CPHXL2: variants seen among roughly 807,000 people sequenced by gnomAD.
CPHXL2 encodes the protein cytoplasmic polyadenylated homeobox-like protein 2.
the CPHXL2 span, among the ~76,000 whole-genome samples, chr16:75,668,963 G>A: frequency 4.6e-5 from 7 of 152,084 alleles, no homozygotes; most frequent in South Asian, 2.1e-4. Context: ...TTTGAATTCT[G>A]TACCTTTTTA....
chr16:75,675,510 A>C, the CPHXL2 span, among the ~76,000 whole-genome samples: 1 of 152,092 alleles, frequency 6.6e-6, no homozygotes, highest in East Asian at 1.9e-4. Context: ...CTGGGTTTTC[A>C]GAGAAAGAGG....
chr16:75,676,511 A>G, the CPHXL2 span, among the ~76,000 whole-genome samples: 123 of 152,258 alleles, frequency 8.1e-4, no homozygotes, highest in Middle Eastern at 6.8e-3. Flanking sequence ...TTGTAGAAAT[A>G]GGGTCTTGCT....
chr16:75,662,827 C>G, the CPHXL2 span, among the ~76,000 whole-genome samples: 1 of 132,686 alleles, frequency 7.5e-6, no homozygotes, highest in Admixed American at 8.9e-5. Flanking sequence ...GAGACGGAGT[C>G]TCGCTCTGTC....
the CPHXL2 span, chr16:75,677,003 G>C: frequency 5.0e-6 from 2 of 398,372 alleles, no homozygotes; most frequent in African/African-American, 4.1e-5. Flanking sequence ...AAGACATGTC[G>C]AAACTCCAGT....
the CPHXL2 span, among the ~76,000 whole-genome samples, chr16:75,673,074 T>TAAA: frequency 8.2e-5 from 2 of 24,246 alleles, no homozygotes; most frequent in African/African-American, 7.9e-4. Flanking sequence ...AGACCTTGTC[T>TAAA]CAAAAAAAAA....
chr16:75,662,118 T>C, the CPHXL2 span, among the ~76,000 whole-genome samples: 2 of 152,112 alleles, frequency 1.3e-5, no homozygotes, highest in Non-Finnish European at 2.9e-5. Context: ...CCTTTTTGGG[T>C]TTGATTAACT....
At chr16:75,666,938 CATGCAAA>C in the CPHXL2 span, among the ~76,000 whole-genome samples, 1 of 152,082 alleles carries the variant, frequency 6.6e-6, no homozygotes, top group Non-Finnish European at 1.5e-5. Flanking sequence ...CCTTCAAAAC[CATGCAAA>C]TATATGGAAA....
the CPHXL2 span, among the ~76,000 whole-genome samples, chr16:75,672,222 T>G: frequency 6.6e-6 from 1 of 150,920 alleles, no homozygotes; most frequent in Non-Finnish European, 1.5e-5. Context: ...GAGATTTTAG[T>G]GAGCCTAGAT....
the CPHXL2 span, chr16:75,669,270 C>T: frequency 1.0e-5 from 4 of 395,908 alleles, no homozygotes; most frequent in Non-Finnish European, 1.8e-5. Flanking sequence ...GAGCCGTGAT[C>T]GCTCCATTGC....
chr16:75,673,075 C>CAAAAA, the CPHXL2 span, among the ~76,000 whole-genome samples: 1,222 of 72,806 alleles, frequency 0.017, 46 homozygotes, highest in African/African-American at 0.036. Context: ...GACCTTGTCT[C>CAAAAA]AAAAAAAAAA....
At chr16:75,675,800 C>G in the CPHXL2 span, among the ~76,000 whole-genome samples, 1 of 152,104 alleles carries the variant, frequency 6.6e-6, no homozygotes, top group African/African-American at 2.4e-5. Context: ...CAAAACAGGC[C>G]AGGCATGGTG....
At chr16:75,669,172 G>T in the CPHXL2 span, among the ~76,000 whole-genome samples, 4 of 152,134 alleles carry the variant, frequency 2.6e-5, no homozygotes, top group South Asian at 8.3e-4. Context: ...AAAGCCCAGT[G>T]TGGTGGTGGG....
At chr16:75,676,718 T>G in the CPHXL2 span, among the ~76,000 whole-genome samples, 1 of 152,202 alleles carries the variant, frequency 6.6e-6, no homozygotes, top group Non-Finnish European at 1.5e-5. Flanking sequence ...TTTTTTACCT[T>G]TTAATAAAAT....
the CPHXL2 span, among the ~76,000 whole-genome samples, chr16:75,673,707 G>T: frequency 6.6e-6 from 1 of 152,068 alleles, no homozygotes; most frequent in Non-Finnish European, 1.5e-5. Context: ...CATCCTACCT[G>T]TGGCTCACAA....
the CPHXL2 span, among the ~76,000 whole-genome samples, chr16:75,662,793 A>ATTATTTTT: frequency 6.9e-6 from 1 of 145,722 alleles, no homozygotes; most frequent in African/African-American, 2.5e-5. Context: ...AAGGGAGATA[A>ATTATTTTT]TTCTTTTTTT....
the CPHXL2 span, among the ~76,000 whole-genome samples, chr16:75,668,229 ATAT>A: frequency 1.1e-4 from 10 of 88,504 alleles, no homozygotes; most frequent in Middle Eastern, 4.3e-3. Flanking sequence ...ATATACATAT[ATAT>A]TTTTTTTTTT....
chr16:75,660,533 C>G, the CPHXL2 span: 7 of 398,654 alleles, frequency 1.8e-5, no homozygotes, highest in Non-Finnish European at 4.4e-6. Flanking sequence ...AGTCCATTGG[C>G]AGCTGTTCCT....
chr16:75,672,140 A>G, the CPHXL2 span, among the ~76,000 whole-genome samples: 1 of 151,796 alleles, frequency 6.6e-6, no homozygotes, highest in East Asian at 1.9e-4. Flanking sequence ...TCAGCTGGTC[A>G]TGGTGGCGGG....
chr16:75,662,586 G>A, the CPHXL2 span, among the ~76,000 whole-genome samples: 1 of 151,812 alleles, frequency 6.6e-6, no homozygotes, highest in Non-Finnish European at 1.5e-5. Flanking sequence ...AGTATTTTGA[G>A]AATTGCATGC....
Sources: gnomAD v4.1 joint callset for allele counts (sites outside exome capture counted in the v4.1 genomes callset) on GRCh38, gnomAD v4.1.1 for gene constraint, MANE v1.5 for transcripts, NCBI Gene and HGNC (gene_info 2026-07-23, HGNC 2026-07-21) for gene names.